The following CYP4X1 variants were observed in gnomAD, a reference collection of about 807,000 sequenced individuals.
CYP4X1 encodes the protein cytochrome P450 4X1.
Under a neutral mutation model 57.9 loss-of-function variants are expected in CYP4X1, and 44 were observed. The observed-to-expected ratio is 0.76, with a 90% CI of 0.60 to 0.98. CYP4X1 has a LOEUF of 0.98. Among genes scored for constraint, CYP4X1 ranks in the 50% least tolerant of loss-of-function variants. The probability of loss-of-function intolerance (pLI) is 0.00; values close to 1 mark genes in which losing one functional copy is unlikely to be tolerated. For synonymous variants in CYP4X1, 227 were observed against 228.6 expected, an observed-to-expected ratio of 0.99 and a Z score of 0.06; for missense variants, 532 against 623.9, an observed-to-expected ratio of 0.85 and a Z score of 1.57.
At chr1:47,032,421 C>A (rs909412477) in intron 3 of CYP4X1, among the ~76,000 whole-genome samples, 2 of 152,166 alleles carry the variant, frequency 1.3e-5, no homozygotes, top group African/African-American at 4.8e-5. Context: ...GGATGAGACT[C>A]ACATTGCTGG....
chr1:47,048,682 C>A, intron 10 of CYP4X1, 53 bp downstream of exon 10: 1 of 1,524,224 alleles, frequency 6.6e-7, no homozygotes, highest in South Asian at 1.3e-5. Context: ...CTGTGCAAGT[C>A]ACTTTTTGGT....
the CYP4X1 span, among the ~76,000 whole-genome samples, chr1:46,964,334 A>C: frequency 6.6e-6 from 1 of 152,126 alleles, no homozygotes; most frequent in Non-Finnish European, 1.5e-5. Flanking sequence ...TAGAGTTTCC[A>C]GTTTTTCTGC....
chr1:47,024,510 G>T (rs1644040693), intron 1 of CYP4X1, among the ~76,000 whole-genome samples: 1 of 152,226 alleles, frequency 6.6e-6, no homozygotes, highest in East Asian at 1.9e-4. Context: ...TTTGTAAAGG[G>T]AGACTGTTAG....
upstream of CYP4X1, among the ~76,000 whole-genome samples, chr1:47,023,104 C>T (rs1485244653): frequency 6.6e-6 from 1 of 152,214 alleles, no homozygotes; most frequent in Non-Finnish European, 1.5e-5. Flanking sequence ...GGTCTGTCAT[C>T]TTAGAATTGT....
At chr1:47,014,466 T>G in the CYP4X1 span, among the ~76,000 whole-genome samples, 1 of 152,208 alleles carries the variant, frequency 6.6e-6, no homozygotes. Context: ...AACTCTCCTT[T>G]CACAGTCAAA....
chr1:46,988,337 A>G, the CYP4X1 span, among the ~76,000 whole-genome samples: 8 of 152,296 alleles, frequency 5.3e-5, no homozygotes, highest in African/African-American at 1.9e-4. Flanking sequence ...CTAAACCAGG[A>G]AGAAGTCAAA....
the CYP4X1 span, among the ~76,000 whole-genome samples, chr1:46,970,029 GC>G: frequency 6.6e-6 from 1 of 152,172 alleles, no homozygotes; most frequent in Non-Finnish European, 1.5e-5. Context: ...AGTAAGACTA[GC>G]AAGGTGTCTG....
At chr1:47,033,800 C>T (rs1644149778) in intron 4 of CYP4X1, among the ~76,000 whole-genome samples, 1 of 152,130 alleles carries the variant, frequency 6.6e-6, no homozygotes, top group South Asian at 2.1e-4. Flanking sequence ...AGTTGTGAGA[C>T]AAGATGGTGG....
chr1:47,012,071 A>C, the CYP4X1 span, among the ~76,000 whole-genome samples: 1 of 152,252 alleles, frequency 6.6e-6, no homozygotes, highest in African/African-American at 2.4e-5. Context: ...ATATACCCAA[A>C]GGATTATAAA....
At chr1:47,049,701 G>A (rs1302945307) in intron 11 of CYP4X1, among the ~76,000 whole-genome samples, 197 bp downstream of exon 11, 1 of 152,124 alleles carries the variant, frequency 6.6e-6, no homozygotes, top group Admixed American at 6.5e-5. Flanking sequence ...TGCCTCAAAA[G>A]CAGTCCCACA....
upstream of CYP4X1, among the ~76,000 whole-genome samples, chr1:47,022,052 G>A (rs1245677400): frequency 6.6e-6 from 1 of 152,110 alleles, no homozygotes; most frequent in African/African-American, 2.4e-5. Context: ...AGGGCATAGA[G>A]GAATCATATG....
At chr1:46,974,734 T>C in the CYP4X1 span, among the ~76,000 whole-genome samples, 6 of 152,262 alleles carry the variant, frequency 3.9e-5, no homozygotes, top group African/African-American at 1.2e-4. Context: ...TCTGTTTCAT[T>C]TGAAATAAGA....
At chr1:47,011,614 A>C in the CYP4X1 span, among the ~76,000 whole-genome samples, 1 of 152,236 alleles carries the variant, frequency 6.6e-6, no homozygotes, top group East Asian at 1.9e-4. Context: ...CATCAGACTG[A>C]ACAGGCAACC....
chr1:47,055,195 G>A (rs574844836), downstream of CYP4X1, among the ~76,000 whole-genome samples: 3 of 152,176 alleles, frequency 2.0e-5, no homozygotes, highest in East Asian at 5.8e-4. Context: ...TTTTGTCTTT[G>A]GTTCTGTTTA....
At chr1:46,967,690 T>C in the CYP4X1 span, 2 of 800,490 alleles carry the variant, frequency 2.5e-6, no homozygotes, top group East Asian at 3.3e-5. Context: ...CTGGTCCTTG[T>C]CCCCACAATG....
intron 10 of CYP4X1, 84 bp downstream of exon 10, chr1:47,048,713 A>G (rs1227868324): frequency 7.7e-7 from 1 of 1,296,918 alleles, no homozygotes; most frequent in African/African-American, 1.5e-5. Flanking sequence ...AGAAGTGGCT[A>G]TATAATTAAG....
At position 47,035,828 on chromosome 1, in the gene CYP4X1, G is replaced by A. The variant is rs779391888; in HGVS notation, c.515G>A (p.Ser172Asn). Residue 172 changes from serine to asparagine, a missense_variant, in exon 5 of 12, where the codon AGC becomes AAC. Ser to Asn is a conservative substitution (Grantham distance 46, BLOSUM62 1). Transcript: ENST00000371901. Reference sequence around the variant, plus strand: ...CAGGATAAGTGGGAGAAGATTTGCAGCACTCAGGACACAAGCGTGGAGGTC... The same window carrying A: ...CAGGATAAGTGGGAGAAGATTTGCAACACTCAGGACACAAGCGTGGAGGTC... ...MMLDKWEKIC[S>N]TQDTSVEVYE... 1.6e-5 allele frequency: 26 copies of A among 1,612,872 alleles called. No homozygotes were observed. The highest frequency in any genetic ancestry group is 2.0e-5 in the Non-Finnish European group (24 of 1,179,504).
downstream of CYP4X1, among the ~76,000 whole-genome samples, chr1:47,052,576 A>G (rs1369833408): frequency 1.3e-5 from 2 of 152,178 alleles, no homozygotes; most frequent in African/African-American, 4.8e-5. Flanking sequence ...CTTAAAAAAA[A>G]TGGACTGCAA....
Position 47,039,457 on chromosome 1 carries a change from C to G in CYP4X1, c.998C>G (p.Ala333Gly). The change falls in exon 8 of 12, where the codon GCT becomes GGT. Residue 333 changes from alanine to glycine, a missense_variant. Coordinates refer to ENST00000371901, the MANE Select transcript of CYP4X1 (RefSeq NM_178033.2). ...ATCTCCTGGATCCTTTACTGCCTGG[C>G]TCTGAACCCTGAGCATCAAGAGAGA... ...ASISWILYCL[A>G]LNPEHQERCR... 6.2e-7 allele frequency: 1 copy of G among 1,613,642 alleles called. No homozygotes were observed. Among genetic ancestry groups the G allele is most frequent in the East Asian group, 2.2e-5 (1 of 44,862 alleles).
Sources: allele counts gnomAD v4.1 joint callset (sites outside exome capture counted in the v4.1 genomes callset), GRCh38; gene constraint gnomAD v4.1.1; transcripts MANE v1.5; gene names NCBI Gene and HGNC (gene_info 2026-07-23, HGNC 2026-07-21).